Variants in SGPP2 observed in about 807,000 individuals in gnomAD.
SGPP2 encodes the protein sphingosine-1-phosphate phosphatase 2, also known as sphingosine 1-phosphate phosphohydrolase 2.
A neutral mutation model predicts 33.9 loss-of-function variants in SGPP2; 30 were observed. The ratio of observed to expected loss-of-function variants is 0.89; its 90% CI spans 0.66 to 1.20. The LOEUF is 1.20. Ranked by LOEUF, SGPP2 falls within the 50% of genes most tolerant of loss-of-function variation. The pLI, the probability that SGPP2 is intolerant of heterozygous loss-of-function variation, is 0.00. For missense variants in SGPP2, 458 were observed against 532.1 expected, an observed-to-expected ratio of 0.86 and a Z score of 1.37; for synonymous variants, 233 against 225.0, an observed-to-expected ratio of 1.04 and a Z score of -0.32.
intron 2 of SGPP2, among the ~76,000 whole-genome samples, chr2:222,482,840 A>G (rs1409234131): frequency 6.6e-6 from 1 of 152,216 alleles, no homozygotes; most frequent in African/African-American, 2.4e-5. Flanking sequence ...GCCATGGGCC[A>G]GGTTCTGGAA....
intron 1 of SGPP2, among the ~76,000 whole-genome samples, chr2:222,461,520 T>A (rs2106084708): frequency 6.6e-6 from 1 of 152,190 alleles, no homozygotes; most frequent in East Asian, 1.9e-4. Flanking sequence ...CATTGTAATA[T>A]ATTAATATAA....
At chr2:222,452,965 A>G in intron 1 of SGPP2, 1 of 1,584,118 alleles carries the variant, frequency 6.3e-7, no homozygotes, top group Non-Finnish European at 8.7e-7. Flanking sequence ...TGTCTCTGAA[A>G]TCTATCATTG....
rs77169199 is a variant in SGPP2, at chr2:222,498,912, C to T, written c.379-22855C>T. 9.9e-3 allele frequency among the ~76,000 whole-genome samples: 1,503 copies of T among 152,152 alleles called. 31 individuals are homozygous for T. The highest frequency in any genetic ancestry group is 0.035 in the African/African-American group (1,449 of 41,502). On this transcript the variant is annotated intron_variant, in intron 2 of 4. Transcript: ENST00000321276. ...TGAGTTTAGAATGTTTGAAATGTAC[C>T]ATCATCCTTTCTGGTTGATTTCTGT...
At chr2:222,490,504 C>T (rs2106109934) in intron 2 of SGPP2, among the ~76,000 whole-genome samples, 2 of 152,276 alleles carry the variant, frequency 1.3e-5, no homozygotes, top group East Asian at 3.9e-4. Flanking sequence ...TCACAGGTCA[C>T]TGCAAGCTAG....
intron 1 of SGPP2, among the ~76,000 whole-genome samples, chr2:222,464,946 A>G (rs1406723611): frequency 1.3e-5 from 2 of 152,226 alleles, no homozygotes; most frequent in African/African-American, 2.4e-5. Flanking sequence ...GGAAGAAAAG[A>G]TATTAGATGT....
intron 2 of SGPP2, 103 bp downstream of exon 2, chr2:222,474,829 T>G: frequency 1.1e-6 from 1 of 915,698 alleles, no homozygotes; most frequent in Non-Finnish European, 1.6e-6. Context: ...TTTTTTTTTT[T>G]TTACCACTTA....
chr2:222,435,897 G>T (rs13400127), intron 1 of SGPP2, among the ~76,000 whole-genome samples: 4,744 of 152,230 alleles, frequency 0.031, 225 homozygotes, highest in African/African-American at 0.1. Flanking sequence ...GCAGGTCGTG[G>T]TTTTTTTCCT....
chr2:222,429,864 G>T (rs991204170), intron 1 of SGPP2, among the ~76,000 whole-genome samples: 23 of 152,164 alleles, frequency 1.5e-4, no homozygotes, highest in Admixed American at 8.5e-4. Context: ...TACGAGGGCA[G>T]GTTTTCCCAC....
At chr2:222,493,290 A>C (rs1698226195) in intron 2 of SGPP2, among the ~76,000 whole-genome samples, 1 of 152,230 alleles carries the variant, frequency 6.6e-6, no homozygotes, top group Admixed American at 6.5e-5. Context: ...TGGGAAAGGA[A>C]GAGGCACATC....
intron 4 of SGPP2, 25 bp downstream of exon 4, chr2:222,525,058 T>C (rs1698738782): frequency 5.7e-6 from 9 of 1,567,720 alleles, no homozygotes; most frequent in Non-Finnish European, 7.9e-6. Context: ...TCAGGTCTTG[T>C]GGTGATTGTT....
chr2:222,446,128 A>G (rs945563888), intron 1 of SGPP2, among the ~76,000 whole-genome samples: 2 of 152,220 alleles, frequency 1.3e-5, no homozygotes. Context: ...TAGAGAAACC[A>G]GTCATTGTTA....
In SGPP2 at chr2:222,459,658, A is replaced by G. The variant is rs138346543; in HGVS notation, c.220-14910A>G. 3.1e-3 allele frequency among the ~76,000 whole-genome samples: 475 copies of G among 152,140 alleles called. 5 individuals carry two copies. Among genetic ancestry groups the G allele is most frequent in the African/African-American group, 0.011 (450 of 41,514 alleles). On this transcript the variant is annotated intron_variant, in intron 1 of 4. Coordinates refer to ENST00000321276, the MANE Select transcript of SGPP2 (RefSeq NM_152386.4). Reference sequence around the variant, plus strand: ...GTGTGTGTCTCAGAGAGATTGAGAGAGAGAGAGACAGAGATGGGCAGTGGG... The same window carrying G: ...GTGTGTGTCTCAGAGAGATTGAGAGGGAGAGAGACAGAGATGGGCAGTGGG...
intron 2 of SGPP2, among the ~76,000 whole-genome samples, chr2:222,487,515 A>G (rs1698130008): frequency 1.3e-5 from 2 of 152,174 alleles, no homozygotes; most frequent in African/African-American, 4.8e-5. Flanking sequence ...TGCATCTTAT[A>G]GGATATTTAG....
At chr2:222,462,927 T>C (rs759875013) in intron 1 of SGPP2, among the ~76,000 whole-genome samples, 2 of 152,168 alleles carry the variant, frequency 1.3e-5, no homozygotes, top group Non-Finnish European at 2.9e-5. Flanking sequence ...CCACCCAGCA[T>C]GGTTTTCTTC....
chr2:222,424,531 G>T, upstream of SGPP2: 1 of 1,058,132 alleles, frequency 9.5e-7, no homozygotes, highest in Non-Finnish European at 1.2e-6. Context: ...GGGGCGAGGC[G>T]GGAGTGGCGG....
intron 1 of SGPP2, among the ~76,000 whole-genome samples, chr2:222,464,118 C>T (rs1035137074): frequency 1.2e-4 from 18 of 152,206 alleles, no homozygotes; most frequent in African/African-American, 4.3e-4. Context: ...CAAATCCCTC[C>T]GCACATACAA....
At position 222,502,795 on chromosome 2, in the gene SGPP2, T is replaced by C. The variant is rs73067733; in HGVS notation, c.379-18972T>C. On this transcript the variant is annotated intron_variant, in intron 2 of 4. Transcript: ENST00000321276. Reference sequence around the variant, plus strand: ...CTAAAGCCAACAGTGCTGGGGGAAATGGCAGCTCATCCTGGATGCTAACAT... The same window carrying C: ...CTAAAGCCAACAGTGCTGGGGGAAACGGCAGCTCATCCTGGATGCTAACAT... 3.6e-3 allele frequency among the ~76,000 whole-genome samples: 544 copies of C among 152,290 alleles called. 1 individual carries two copies. The highest frequency in any genetic ancestry group is 0.012 in the African/African-American group (483 of 41,562).
intron 4 of SGPP2, among the ~76,000 whole-genome samples, chr2:222,549,563 C>T (rs892019208): frequency 1.6e-4 from 24 of 152,292 alleles, no homozygotes; most frequent in Non-Finnish European, 2.5e-4. Flanking sequence ...TTCTTTTCTA[C>T]ACACTGGAGC....
intron 4 of SGPP2, among the ~76,000 whole-genome samples, chr2:222,530,543 A>C (rs898288289): frequency 2.0e-5 from 3 of 152,184 alleles, no homozygotes; most frequent in African/African-American, 7.2e-5. Flanking sequence ...AAATTCTGCT[A>C]GTGTCAGACT....
Sources: allele counts gnomAD v4.1 joint callset (sites outside exome capture counted in the v4.1 genomes callset), GRCh38; gene constraint gnomAD v4.1.1; transcripts MANE v1.5; gene names NCBI Gene and HGNC (gene_info 2026-07-23, HGNC 2026-07-21).